The following SRL variants were observed in gnomAD, a reference collection of about 807,000 sequenced individuals.
The protein encoded by SRL is sarcalumenin.
SRL carries 23 observed loss-of-function variants against 39.5 expected under a neutral mutation model. The observed-to-expected ratio is 0.58, with a 90% CI of 0.42 to 0.82. The LOEUF (loss-of-function observed/expected upper bound fraction) is 0.82, where lower values mean the gene tolerates loss of function less well. SRL is among the 40% of genes least tolerant of loss of function. The pLI, the probability that SRL is intolerant of heterozygous loss-of-function variation, is 0.00. For synonymous variants in SRL, 272 were observed against 237.4 expected (o/e 1.15, Z -1.34); for missense variants, 592 against 607.8 (o/e 0.97, Z 0.27).
chr16:4,200,712 T>A (rs1246645484), intron 3 of SRL, among the ~76,000 whole-genome samples: 2 of 152,200 alleles, frequency 1.3e-5, no homozygotes, highest in African/African-American at 2.4e-5. Context: ...AGGGGGGCGA[T>A]AATTGGCTGC....
At chr16:4,193,899 A>C (rs1048781797) in intron 5 of SRL, among the ~76,000 whole-genome samples, 4 of 150,248 alleles carry the variant, frequency 2.7e-5, no homozygotes, top group South Asian at 2.1e-4. Context: ...ATTACTAATA[A>C]TACTACTAAT....
intron 1 of SRL, among the ~76,000 whole-genome samples, chr16:4,232,500 A>C (rs554495244): frequency 1.9e-4 from 29 of 151,748 alleles, no homozygotes; most frequent in African/African-American, 6.5e-4. Flanking sequence ...GCCTTTACCT[A>C]TTGCCATCTA....
intron 1 of SRL, among the ~76,000 whole-genome samples, chr16:4,229,028 A>T (rs1380988017): frequency 6.6e-6 from 1 of 152,054 alleles, no homozygotes; most frequent in Non-Finnish European, 1.5e-5. Context: ...ACACACACTT[A>T]TGTGTTCACT....
Position 4,195,758 on chromosome 16 carries a change from C to A in SRL, c.405G>T (p.Thr135=). Residue 135 remains threonine, a synonymous_variant, in exon 5 of 6, where the codon ACG becomes ACT. Coordinates refer to ENST00000399609, the MANE Select transcript of SRL (RefSeq NM_001098814.2). ...TGAEPTTSEF[T]VLMHGPKLKT... is the part of the protein sequence containing the mutation. ...TCAGCTTAGGCCCATGCATGAGGAC[C>A]GTGAACTCAGAGGTGGTGGGTTCAG... The A allele has an allele frequency of 3.1e-6, 5 of 1,613,930 alleles. No homozygotes were observed. In the Admixed American group the frequency reaches 8.3e-5, roughly 27 times the overall value.
rs564819058 is a variant in SRL at position 4,210,479 on chromosome 16, C to A, written c.62-5845G>T. ...ACTTGTTTTGGTAAAATGAGTATTA[C>A]TCATATCTTTTTTTTTTTTTTTTTT... On this transcript the variant is annotated intron_variant, in intron 1 of 5. Coordinates refer to ENST00000399609, the MANE Select transcript of SRL (RefSeq NM_001098814.2). 2.9e-3 allele frequency among the ~76,000 whole-genome samples: 362 copies of A among 124,836 alleles called. 2 individuals are homozygous for A. The highest frequency in any genetic ancestry group is 0.011 in the African/African-American group (350 of 30,686). The allele number at this position is 124,836 out of a possible 152,430, so 81.9% of individuals were successfully genotyped here. A position where few individuals can be genotyped will look rare whatever the true frequency, so the allele number is the denominator to read the frequency against.
chr16:4,192,236 C>G lies in SRL; in HGVS notation c.1339G>C (p.Gly447Arg), dbSNP rs754989109. The G allele has an allele frequency of 6.2e-7, 1 of 1,611,020 alleles. No homozygotes were observed. The highest frequency in any genetic ancestry group is 1.3e-5 in the African/African-American group (1 of 74,690). ...AGAGCACCTGGATTCTTCCCGAGCC[C>G]GAGGCTACCCAGGAGGCCCGGAAGC... ...QELPGLLGSLGLGKNPGALNC... is the reference protein window; with the variant it reads ...QELPGLLGSLRLGKNPGALNC... The change falls in exon 6 of 6, where the codon GGG becomes CGG. Residue 447 changes from glycine to arginine, a missense_variant. Transcript: ENST00000399609. This position sits in a 1 kb window ranked among gnomAD's most constrained non-coding sequence, Gnocchi z 4.0.
intron 1 of SRL, among the ~76,000 whole-genome samples, chr16:4,237,141 G>A (rs1294523906): frequency 1.3e-5 from 2 of 150,644 alleles, no homozygotes; most frequent in Non-Finnish European, 3.0e-5. Flanking sequence ...TTTCTATGTT[G>A]TCCAGGCTGG....
chr16:4,235,255 C>T (rs999617741), intron 1 of SRL, among the ~76,000 whole-genome samples: 1 of 152,200 alleles, frequency 6.6e-6, no homozygotes, highest in Non-Finnish European at 1.5e-5. Context: ...GAACAGAAGC[C>T]AGCCCACCAC....
In SRL at chr16:4,192,956, AG is replaced by A; in HGVS notation, c.618del (p.Phe207SerfsTer28). ...ENRKQQERGY[P>X]FNDVCQWFID... ...ATGAACCACTGGCACACGTCGTTGA[AG>A]GGGTAGCCTTTGGGAGACAGAAGTG... On this transcript the variant is annotated frameshift_variant, in exon 6 of 6. Coordinates refer to ENST00000399609, the MANE Select transcript of SRL (RefSeq NM_001098814.2). LOFTEE classifies it high-confidence loss of function. This position sits in a 1 kb window ranked among gnomAD's most constrained non-coding sequence, Gnocchi z 4.0. 1 of 1,608,792 alleles carries A rather than the reference AG, an allele frequency of 6.2e-7. No homozygotes were observed. The highest frequency in any genetic ancestry group is 8.5e-7 in the Non-Finnish European group (1 of 1,177,708).
chr16:4,196,422 C>G lies in SRL; in HGVS notation c.377-636G>C, dbSNP rs141548569. ...AGTCATTCCCCATTTCCTCTTCCCC[C>G]AGTCCCTGGTTACAAGCACTCTGGC... On this transcript the variant is annotated intron_variant, in intron 4 of 5. Coordinates refer to ENST00000399609, the MANE Select transcript of SRL (RefSeq NM_001098814.2). Among the ~76,000 whole-genome samples, 773 of 152,048 alleles carry G rather than the reference C, an allele frequency of 5.1e-3. 8 individuals are homozygous for G. Among genetic ancestry groups the G allele is most frequent in the African/African-American group, 0.017 (696 of 41,458 alleles).
chr16:4,228,808 G>C (rs931809317), intron 1 of SRL, among the ~76,000 whole-genome samples: 1 of 151,994 alleles, frequency 6.6e-6, no homozygotes, highest in Non-Finnish European at 1.5e-5. Flanking sequence ...GGAAAGGTGG[G>C]GACCAGTCTC....
intron 5 of SRL, among the ~76,000 whole-genome samples, chr16:4,193,530 C>A (rs2052095894): frequency 6.6e-6 from 1 of 152,182 alleles, no homozygotes; most frequent in African/African-American, 2.4e-5. Flanking sequence ...GCATTGAGAC[C>A]TGGACTAGAA....
chr16:4,235,827 C>G (rs951568678), intron 1 of SRL, among the ~76,000 whole-genome samples: 1 of 152,254 alleles, frequency 6.6e-6, no homozygotes, highest in Admixed American at 6.5e-5. Flanking sequence ...CGGTGGCTCA[C>G]GCCTGTAATC....
chr16:4,202,646 C>T (rs7205695), intron 3 of SRL, among the ~76,000 whole-genome samples: 34,463 of 151,180 alleles, frequency 0.23, 4,821 homozygotes, highest in African/African-American at 0.38. Context: ...CAACGTATAC[C>T]ATTCTGCACT....
intron 1 of SRL, among the ~76,000 whole-genome samples, chr16:4,217,849 T>C (rs955126101): frequency 7.2e-5 from 11 of 152,212 alleles, no homozygotes; most frequent in Non-Finnish European, 1.0e-4. Flanking sequence ...CCGAGCCAGC[T>C]GGCCCTTCAC....
intron 1 of SRL, among the ~76,000 whole-genome samples, chr16:4,212,073 TCACACTG>T (rs1345933760): frequency 2.6e-5 from 4 of 152,164 alleles, no homozygotes; most frequent in Non-Finnish European, 5.9e-5. Context: ...ACCATGACCT[TCACACTG>T]CTGTGTGTTT....
intron 4 of SRL, among the ~76,000 whole-genome samples, chr16:4,197,131 C>G (rs147038201): frequency 7.9e-6 from 1 of 126,988 alleles, no homozygotes; most frequent in South Asian, 2.7e-4. Context: ...TGCAGTGGCG[C>G]GATTTTGGCT....
chr16:4,237,309 T>A (rs1419031064), intron 1 of SRL, among the ~76,000 whole-genome samples: 1 of 152,116 alleles, frequency 6.6e-6, no homozygotes, highest in African/African-American at 2.4e-5. Context: ...AAGATCATTC[T>A]CCCAGTGACC....
In SRL at chr16:4,191,044, C is replaced by A. The variant is rs1261861288; in HGVS notation, c.*1109G>T. The A allele has an allele frequency of 6.6e-6, 1 of 152,464 alleles. No homozygotes were observed. Among genetic ancestry groups the A allele is most frequent in the Non-Finnish European group, 1.5e-5 (1 of 68,144 alleles). 9.4% of individuals were successfully genotyped at this position (152,464 alleles called of 1,614,324 possible). On this transcript the variant is annotated 3_prime_UTR_variant, in exon 6 of 6. Transcript: ENST00000399609. The stretch of plus-strand genomic sequence containing the variant: ...TTCCAAGACATGCAATAGACAAAGA[C>A]GCACTGCAAACCAATTAACCCTCTG...
Sources: allele counts gnomAD v4.1 joint callset (sites outside exome capture counted in the v4.1 genomes callset), GRCh38; gene constraint gnomAD v4.1.1; non-coding constraint Gnocchi (gnomAD v3.1); transcripts MANE v1.5; gene names NCBI Gene and HGNC (gene_info 2026-07-23, HGNC 2026-07-21).